CAND1: variants seen among roughly 807,000 people sequenced by gnomAD.
CAND1 encodes cullin-associated NEDD8-dissociated protein 1.
Under a neutral mutation model 108.5 loss-of-function variants are expected in CAND1, and 7 were observed. That is an observed-to-expected ratio of 0.06 (90% confidence interval 0.04 to 0.12). The LOEUF is 0.12. Ranked by LOEUF, CAND1 falls within the 10% of genes least tolerant of loss-of-function variation. The probability of loss-of-function intolerance (pLI) is 1.00; values close to 1 mark genes in which losing one functional copy is unlikely to be tolerated. For missense variants in CAND1, 941 were observed against 1,448.7 expected, an observed-to-expected ratio of 0.65 and a Z score of 5.69; for synonymous variants, 534 against 512.0, an observed-to-expected ratio of 1.04 and a Z score of -0.58.
chr12:67,314,225 ACTG>A lies in CAND1; in HGVS notation c.*1397_*1399del, dbSNP rs2044984912. On this transcript the variant is annotated 3_prime_UTR_variant, in exon 15 of 15. Coordinates refer to ENST00000545606, the MANE Select transcript of CAND1 (RefSeq NM_018448.5). ...AATTTAAGCAATCAGATATTTGAAA[ACTG>A]CACCCTTTAGTTTTGAAACTGTGAA... The A allele has an allele frequency of 6.6e-6, 1 of 152,166 alleles. No individual in the cohort carries two copies. The allele number at this position is 152,166 out of a possible 1,614,324, so 9.4% of individuals were successfully genotyped here. A position where few individuals can be genotyped will look rare whatever the true frequency, so the allele number is the denominator to read the frequency against.
At position 67,306,286 on chromosome 12, in the gene CAND1, A is replaced by G. The variant is rs780270517; in HGVS notation, c.2618A>G (p.Lys873Arg). ...EAFSSPSEEV[K>R]SAASYALGSI... ...TTCTCATCTCCTAGTGAAGAAGTCAAATCAGCTGCATCCTATGCATTAGGC... is the reference window on the plus strand; with the variant it reads ...TTCTCATCTCCTAGTGAAGAAGTCAGATCAGCTGCATCCTATGCATTAGGC... Residue 873 changes from lysine (K) to arginine (R), a missense_variant, in exon 10 of 15, where the codon AAA becomes AGA. Around this residue, in one of 9 missense-constraint regions of CAND1, gnomAD observed 697 missense variants for 942.0 expected, o/e 0.74. Transcript: ENST00000545606. 1.2e-6 allele frequency: 2 copies of G among 1,614,158 alleles called. No individual in the cohort carries two copies. Among genetic ancestry groups the G allele is most frequent in the African/African-American group, 1.3e-5 (1 of 75,046 alleles).
chr12:67,288,476 T>C (rs887054632), intron 2 of CAND1, among the ~76,000 whole-genome samples: 1 of 152,200 alleles, frequency 6.6e-6, no homozygotes, highest in African/African-American at 2.4e-5. Flanking sequence ...TTGAGAAGGA[T>C]GTTAAAACTT....
chr12:67,315,563 T>C lies in CAND1; in HGVS notation c.*2733T>C, dbSNP rs536198944. ...ATGATAATTTTTTTAATGACAGTCA[T>C]GTATTTTATTAATGATATCTGAAAG... is the stretch of plus-strand genomic sequence containing the variant. On this transcript the variant is annotated 3_prime_UTR_variant, in exon 15 of 15. Transcript: ENST00000545606. 2.0e-5 allele frequency: 3 copies of C among 152,182 alleles called. No individual in the cohort carries two copies. The South Asian group carries it at 6.2e-4, about 32-fold the overall frequency. The allele number at this position is 152,182 out of a possible 1,614,324, so 9.4% of individuals were successfully genotyped here.
rs1166345483 is a variant in CAND1, at chr12:67,304,686, A to AC, written c.1376dup (p.Glu460Ter). The AC allele has an allele frequency of 6.2e-7, 1 of 1,613,870 alleles. No individual in the cohort carries two copies. The highest frequency in any genetic ancestry group is 1.7e-5 in the Admixed American group (1 of 59,994). On this transcript the variant is annotated frameshift_variant, in exon 9 of 15. Transcript: ENST00000545606. LOFTEE classifies it high-confidence loss of function. ...CCGACAGTGTTGTTTTAACATGTTA[A>AC]CTGAGCTGGTAAATGTATTACCTGG...
chr12:67,297,610 G>T lies in CAND1; in HGVS notation c.695G>T (p.Arg232Ile). 1.2e-6 allele frequency: 2 copies of T among 1,613,938 alleles called. No individual in the cohort carries two copies. The highest frequency in any genetic ancestry group is 1.7e-6 in the Non-Finnish European group (2 of 1,179,900). ...LSKNDSMSTT[R>I]TYIQCIAAIS... ...AAAAATGATTCTATGTCAACAACAA[G>T]AACCTACATACAATGTATTGCTGCT... The change falls in exon 5 of 15, where the codon AGA (arginine) becomes ATA (isoleucine). Residue 232 changes from arginine (R) to isoleucine (I), a missense_variant. Around this residue, in one of 9 missense-constraint regions of CAND1, gnomAD observed 697 missense variants for 942.0 expected, o/e 0.74. Coordinates refer to ENST00000545606, the MANE Select transcript of CAND1 (RefSeq NM_018448.5).
chr12:67,298,523 CT>C (rs1474840841), intron 6 of CAND1, among the ~76,000 whole-genome samples: 1 of 152,130 alleles, frequency 6.6e-6, no homozygotes, highest in Non-Finnish European at 1.5e-5. Context: ...CTTTTATTTG[CT>C]GGCCCTGTGG....
chr12:67,279,425 A>G (rs2044600073), intron 1 of CAND1, among the ~76,000 whole-genome samples: 1 of 152,230 alleles, frequency 6.6e-6, no homozygotes, highest in Admixed American at 6.5e-5. Flanking sequence ...AATAAGATTA[A>G]TAGTGTAAAT....
intron 3 of CAND1, 151 bp downstream of exon 3, chr12:67,292,927 G>A (rs932451151): frequency 3.7e-5 from 24 of 649,652 alleles, no homozygotes; most frequent in Middle Eastern, 2.6e-4. Flanking sequence ...AAATTAAAGC[G>A]TGAAGCCTTA....
In CAND1 at chr12:67,305,382, A is replaced by T. The variant is rs199538424; in HGVS notation, c.1714A>T (p.Thr572Ser). 6.2e-7 allele frequency: 1 copy of T among 1,614,136 alleles called. No individual in the cohort carries two copies. Among genetic ancestry groups the T allele is most frequent in the African/African-American group, 1.3e-5 (1 of 75,040 alleles). Residue 572 changes from threonine (T) to serine (S), a missense_variant, in exon 10 of 15, where the codon ACC (threonine) becomes TCC (serine). Thr to Ser is a moderately conservative substitution (Grantham distance 58, BLOSUM62 1). Around this residue, in one of 9 missense-constraint regions of CAND1, gnomAD observed 697 missense variants for 942.0 expected, o/e 0.74. Transcript: ENST00000545606. This position sits in a 1 kb window ranked among gnomAD's most constrained non-coding sequence, Gnocchi z 4.4. ...TPYIKDLFTC[T>S]IKRLKAADID... ...TTATATCAAAGATCTATTTACCTGT[A>T]CCATTAAGAGATTAAAAGCAGCTGA...
intron 1 of CAND1, among the ~76,000 whole-genome samples, chr12:67,271,531 A>C (rs960060246): frequency 9.9e-5 from 15 of 152,260 alleles, no homozygotes; most frequent in South Asian, 2.1e-4. Flanking sequence ...ACATGTGATT[A>C]TTGACTGAAG....
At position 67,269,585 on chromosome 12, in the gene CAND1, G is replaced by C. The variant is rs1341968916; in HGVS notation, c.-133G>C. 3 of 692,598 alleles carry C rather than the reference G, an allele frequency of 4.3e-6. No individual in the cohort carries two copies. Among genetic ancestry groups the C allele is most frequent in the East Asian group, 3.1e-5 (1 of 32,082 alleles). The allele number at this position is 692,598 out of a possible 1,614,324, so 42.9% of individuals were successfully genotyped here. A position where few individuals can be genotyped will look rare whatever the true frequency, so the allele number is the denominator to read the frequency against. ...TCGAGGCGCCTCCCTAGTCAGCGTC[G>C]GCGTCGCGCTGCGACCCTGGAAGCG... On this transcript the variant is annotated 5_prime_UTR_variant, in exon 1 of 15. Transcript: ENST00000545606.
In CAND1 at chr12:67,313,340, A is replaced by G. The variant is rs966445753; in HGVS notation, c.*510A>G. 1.5e-5 allele frequency: 2 copies of G among 133,726 alleles called. No individual in the cohort carries two copies. The highest frequency in any genetic ancestry group is 5.0e-4 in the South Asian group (2 of 4,028). The allele number at this position is 133,726 out of a possible 1,614,324, so 8.3% of individuals were successfully genotyped here. A position where few individuals can be genotyped will look rare whatever the true frequency, so the allele number is the denominator to read the frequency against. On this transcript the variant is annotated 3_prime_UTR_variant, in exon 15 of 15. Coordinates refer to ENST00000545606, the MANE Select transcript of CAND1 (RefSeq NM_018448.5). The stretch of plus-strand genomic sequence containing the variant: ...ATATAAGATTTGTTAACCATTTCAG[A>G]GAGTTTGGCAATTTTTAAAAGATAA...
rs146253442 is a variant in CAND1 at position 67,295,107 on chromosome 12, G to A, written c.442G>A (p.Val148Ile). 3.5e-5 allele frequency: 56 copies of A among 1,612,918 alleles called. No homozygotes were observed. The African/African-American group carries it at 5.9e-4, about 17-fold the overall frequency. Residue 148 changes from valine to isoleucine, a missense_variant, in exon 4 of 15, where the codon GTC (valine) becomes ATC (isoleucine). This residue lies in a region of CAND1 where 697 missense variants were observed against 942.0 expected (regional missense o/e 0.74). Coordinates refer to ENST00000545606, the MANE Select transcript of CAND1 (RefSeq NM_018448.5). ...AAGTGCAATAGCAAAACAGGAAGAT[G>A]TCTCTGTTCAGCTAGAAGCCTTGGA... ...LTSAIAKQED[V>I]SVQLEALDIM...
chr12:67,302,233 AT>A, intron 7 of CAND1, 89 bp from the exon 8 acceptor site: 1 of 1,207,944 alleles, frequency 8.3e-7, no homozygotes, highest in Non-Finnish European at 1.2e-6. Flanking sequence ...AGATTAACTG[AT>A]TTGGTTAAGA....
At chr12:67,312,581 A>G in intron 14 of CAND1, 25 bp from the exon 15 acceptor site, 1 of 1,503,408 alleles carries the variant, frequency 6.7e-7, no homozygotes, top group Non-Finnish European at 9.1e-7. Flanking sequence ...TATAGCATGT[A>G]ATCTAAGTTT....
chr12:67,299,744 G>T (rs936277462), intron 7 of CAND1, among the ~76,000 whole-genome samples: 2 of 152,076 alleles, frequency 1.3e-5, no homozygotes, highest in Non-Finnish European at 2.9e-5. Context: ...GCACTTCAAG[G>T]ACATAGGGGT....
At position 67,305,224 on chromosome 12, in the gene CAND1, C is replaced by G; in HGVS notation, c.1556C>G (p.Ala519Gly). ...SPQVFHPHVQALVPPVVACVG... is the reference protein window; with the variant it reads ...SPQVFHPHVQGLVPPVVACVG... ...CAAGTCTTCCATCCTCACGTTCAGG[C>G]TTTGGTTCCTCCAGTGGTGGCTTGT... is the stretch of plus-strand genomic sequence containing the variant. Residue 519 changes from alanine to glycine, a missense_variant, in exon 10 of 15, where the codon GCT (alanine) becomes GGT (glycine). By Grantham distance (60) the Ala-to-Gly change is moderately conservative. Coordinates refer to ENST00000545606, the MANE Select transcript of CAND1 (RefSeq NM_018448.5). This position sits in a 1 kb window ranked among gnomAD's most constrained non-coding sequence, Gnocchi z 4.4. 1 of 1,614,162 alleles carries G rather than the reference C, an allele frequency of 6.2e-7. No individual in the cohort carries two copies. Among genetic ancestry groups the G allele is most frequent in the African/African-American group, 1.3e-5 (1 of 75,044 alleles).
chr12:67,289,341 C>G (rs1223125574), intron 2 of CAND1, among the ~76,000 whole-genome samples: 4 of 151,090 alleles, frequency 2.6e-5, no homozygotes, highest in Non-Finnish European at 5.9e-5. Flanking sequence ...GCCCCAGCCT[C>G]CAGAGTAGCT....
In CAND1 at chr12:67,281,896, T is replaced by C; in HGVS notation, c.69-14T>C. ...TTAAAATTTTCAAATTAACAAATTT[T>C]ATTTTTTTGATAGGTTTATGGCTAC... On this transcript the variant is annotated splice_polypyrimidine_tract_variant and intron_variant, in intron 1 of 14. Coordinates refer to ENST00000545606, the MANE Select transcript of CAND1 (RefSeq NM_018448.5). 1 of 1,551,534 alleles carries C rather than the reference T, an allele frequency of 6.4e-7. No homozygotes were observed. Among genetic ancestry groups the C allele is most frequent in the South Asian group, 1.2e-5 (1 of 82,360 alleles).
Sources: gnomAD v4.1 joint callset for allele counts (sites outside exome capture counted in the v4.1 genomes callset) on GRCh38, gnomAD v4.1.1 for gene constraint, gnomAD v4.1.1 regional missense constraint, Gnocchi (gnomAD v3.1) non-coding constraint, MANE v1.5 for transcripts, NCBI Gene and HGNC (gene_info 2026-07-23, HGNC 2026-07-21) for gene names.